Variants in LMX1B observed in about 807,000 individuals in gnomAD.
The protein encoded by LMX1B is LIM homeobox transcription factor 1-beta.
LMX1B carries 12 observed loss-of-function variants against 51.4 expected under a neutral mutation model. That is an observed-to-expected ratio of 0.23 (90% CI 0.15 to 0.38). The LOEUF is 0.38. Ranked by LOEUF, LMX1B falls within the 10% of genes least tolerant of loss-of-function variation. The pLI is 1.00. For synonymous variants in LMX1B, 237 were observed against 235.4 expected (o/e 1.01, Z -0.06); for missense variants, 445 against 571.1 (o/e 0.78, Z 2.25).
intron 2 of LMX1B, among the ~76,000 whole-genome samples, chr9:126,667,590 G>C (rs1219084359): frequency 6.6e-6 from 1 of 152,232 alleles, no homozygotes; most frequent in Non-Finnish European, 1.5e-5. Context: ...GAGCTTGAGG[G>C]AGGGGCCGGT....
chr9:126,657,447 G>C (rs1213247537), intron 2 of LMX1B, among the ~76,000 whole-genome samples: 1 of 152,238 alleles, frequency 6.6e-6, no homozygotes, highest in Non-Finnish European at 1.5e-5. Flanking sequence ...GTGCAAGTCT[G>C]TTCCCCAATG....
intron 2 of LMX1B, among the ~76,000 whole-genome samples, chr9:126,688,033 G>T (rs1269957290): frequency 6.6e-6 from 1 of 152,182 alleles, no homozygotes; most frequent in Non-Finnish European, 1.5e-5. Flanking sequence ...TGTTTTATTG[G>T]GTGGAGAGAT....
intron 2 of LMX1B, among the ~76,000 whole-genome samples, chr9:126,679,882 T>C (rs913585126): frequency 2.0e-5 from 3 of 152,104 alleles, no homozygotes; most frequent in South Asian, 2.1e-4. Context: ...ACTTCCCCCA[T>C]TGGAATCCTC....
rs1031007462 is a variant in LMX1B, at chr9:126,671,449, C to T, written c.327-19387C>T. ...AGGGCCGAGGGGCCCATCTTTGTTC[C>T]GAGCAGAGCTCAGACTGCAGAGTGG... On this transcript the variant is annotated intron_variant, in intron 2 of 7. Coordinates refer to ENST00000373474, the MANE Select transcript of LMX1B (RefSeq NM_001174147.2). This position sits in a 1 kb window ranked among gnomAD's most constrained non-coding sequence, Gnocchi z 4.4. Among the ~76,000 whole-genome samples, 4 of 152,014 alleles carry T rather than the reference C, an allele frequency of 2.6e-5. No homozygotes were observed. Among genetic ancestry groups the T allele is most frequent in the South Asian group, 2.1e-4 (1 of 4,826 alleles).
At position 126,615,392 on chromosome 9, in the gene LMX1B, G is replaced by A. The variant is rs1382073545; in HGVS notation, c.149G>A (p.Cys50Tyr). 10 of 1,600,048 alleles carry A rather than the reference G, an allele frequency of 6.2e-6. No homozygotes were observed. The highest frequency in any genetic ancestry group is 1.4e-5 in the African/African-American group (1 of 73,556). The change falls in exon 2 of 8, where the codon TGC (cysteine) becomes TAC (tyrosine). Residue 50 changes from cysteine to tyrosine, a missense_variant. Physicochemically the swap from Cys to Tyr is radical, Grantham distance 194. This residue lies in a region of LMX1B where 273 missense variants were observed against 343.3 expected (regional missense o/e 0.80). Transcript: ENST00000373474. This position sits in a 1 kb window ranked among gnomAD's most constrained non-coding sequence, Gnocchi z 6.0. The part of the protein sequence containing the change: ...ATLGVLLGSD[C>Y]PHPAVCEGCQ... ...GCCCTGTGCGCTACAGGCTCCGACT[G>A]CCCGCATCCCGCCGTCTGCGAGGGC...
rs939001080 is a variant in LMX1B, at chr9:126,679,517, C to T, written c.327-11319C>T. Among the ~76,000 whole-genome samples, 5 of 150,122 alleles carry T rather than the reference C, an allele frequency of 3.3e-5. No individual in the cohort carries two copies. The South Asian group carries it at 6.3e-4, about 19-fold the overall frequency. On this transcript the variant is annotated intron_variant, in intron 2 of 7. Transcript: ENST00000373474. ...GTTGAAGGGGTGGGTGGATGGGGGACAGGTGGATAGATGGGTAGGCAGATG... is the reference window on the plus strand; with the variant it reads ...GTTGAAGGGGTGGGTGGATGGGGGATAGGTGGATAGATGGGTAGGCAGATG...
Position 126,615,732 on chromosome 9 carries a change from C to T in LMX1B, c.326+163C>T, listed in dbSNP as rs1221208513. On this transcript the variant is annotated intron_variant, in intron 2 of 7. Transcript: ENST00000373474. This position sits in a 1 kb window ranked among gnomAD's most constrained non-coding sequence, Gnocchi z 6.0. ...CTGCGCGTCTTGGGGCTGGGGCGGA[C>T]CAGCCCAGCCCAGCGGGCACTGATG... Among the ~76,000 whole-genome samples, 1 of 152,006 alleles carries T rather than the reference C, an allele frequency of 6.6e-6. No individual in the cohort carries two copies. The highest frequency in any genetic ancestry group is 2.4e-5 in the African/African-American group (1 of 41,416).
chr9:126,695,209 C>T lies in LMX1B; in HGVS notation c.887-630C>T, dbSNP rs139378540. Among the ~76,000 whole-genome samples the T allele has an allele frequency of 4.3e-3, 652 of 152,300 alleles. 5 individuals are homozygous for T. The highest frequency in any genetic ancestry group is 5.3e-3 in the Non-Finnish European group (360 of 68,018). ...CTCCTCCTCCAGCCTTTCTCACCCT[C>T]GTCTACCAAACCCTCCAGCGGCTCC... is the stretch of plus-strand genomic sequence containing the variant. On this transcript the variant is annotated intron_variant, in intron 6 of 7. Coordinates refer to ENST00000373474, the MANE Select transcript of LMX1B (RefSeq NM_001174147.2). The surrounding 1 kb of genome is among the most constrained non-coding windows in gnomAD (Gnocchi z 5.2).
rs1476509837 is a variant in LMX1B, at chr9:126,643,290, GC to G, written c.326+27725del. 5.9e-5 allele frequency among the ~76,000 whole-genome samples: 9 copies of G among 152,242 alleles called. 1 individual carries two copies. In the South Asian group the frequency reaches 1.9e-3, roughly 32 times the overall value. ...ACTGGGGGTCTCAGGGCCTCTGTCT[GC>G]CCCTGGGAGCGCCAACTCTCTTTGA... On this transcript the variant is annotated intron_variant, in intron 2 of 7. Transcript: ENST00000373474.
chr9:126,665,467 A>G (rs542051121), intron 2 of LMX1B, among the ~76,000 whole-genome samples: 98 of 152,366 alleles, frequency 6.4e-4, no homozygotes, highest in African/African-American at 2.3e-3. Context: ...GTGTTGGAGA[A>G]AAGGCTCGCC....
At chr9:126,648,274 A>G (rs1588278892) in intron 2 of LMX1B, among the ~76,000 whole-genome samples, 1 of 152,204 alleles carries the variant, frequency 6.6e-6, no homozygotes, top group East Asian at 1.9e-4. Flanking sequence ...TAGTGAACCC[A>G]GGGAATGAGT....
intron 2 of LMX1B, among the ~76,000 whole-genome samples, chr9:126,627,976 C>T (rs959810865): frequency 3.3e-5 from 5 of 152,176 alleles, no homozygotes; most frequent in Admixed American, 3.3e-4. Context: ...GTTCTTCAAT[C>T]CCAGCTCTTT....
rs532531403 is a variant in LMX1B, at chr9:126,614,598, G to A, written c.139+10G>A. 1 of 1,578,056 alleles carries A rather than the reference G, an allele frequency of 6.3e-7. No homozygotes were observed. The highest frequency in any genetic ancestry group is 1.8e-5 in the Admixed American group (1 of 56,296). ...CTGGGGGTGCTGCTGGGTGAGTGCG[G>A]GGTCGGAACGCCCGAGTGGTCTCGG... On this transcript the variant is annotated intron_variant, in intron 1 of 7. Coordinates refer to ENST00000373474, the MANE Select transcript of LMX1B (RefSeq NM_001174147.2).
chr9:126,650,790 T>TG (rs1835988159), intron 2 of LMX1B, among the ~76,000 whole-genome samples: 1 of 152,212 alleles, frequency 6.6e-6, no homozygotes, highest in South Asian at 2.1e-4. Flanking sequence ...GTGGGTGCCC[T>TG]GGGCGGCCCT....
At chr9:126,629,813 C>A (rs1246592295) in intron 2 of LMX1B, among the ~76,000 whole-genome samples, 1 of 151,814 alleles carries the variant, frequency 6.6e-6, no homozygotes, top group Non-Finnish European at 1.5e-5. Context: ...TGATTGCCAG[C>A]TTCAGATGGC....
chr9:126,686,973 G>A (rs1282257904), intron 2 of LMX1B, among the ~76,000 whole-genome samples: 4 of 152,300 alleles, frequency 2.6e-5, no homozygotes, highest in Non-Finnish European at 4.4e-5. Context: ...AGGGCTGGCC[G>A]GAACCCGGGG....
intron 2 of LMX1B, among the ~76,000 whole-genome samples, chr9:126,629,843 C>T (rs1334590402): frequency 6.6e-6 from 1 of 151,830 alleles, no homozygotes; most frequent in Non-Finnish European, 1.5e-5. Flanking sequence ...CTTGATGAGA[C>T]TTCCTAAAAG....
Position 126,625,432 on chromosome 9 carries a change from G to A in LMX1B, c.326+9863G>A, listed in dbSNP as rs1395003906. ...TGCTCTGTCCCCTCTTCCCAGGAAA[G>A]GTGGCACTCCGGGTGCACACCCACC... On this transcript the variant is annotated intron_variant, in intron 2 of 7. Transcript: ENST00000373474. The surrounding 1 kb of genome is among the most constrained non-coding windows in gnomAD (Gnocchi z 5.3). 2.6e-5 allele frequency among the ~76,000 whole-genome samples: 4 copies of A among 152,226 alleles called. No individual in the cohort carries two copies. Among genetic ancestry groups the A allele is most frequent in the Non-Finnish European group, 5.9e-5 (4 of 68,040 alleles).
chr9:126,691,128 G>A, intron 3 of LMX1B, 60 bp downstream of exon 3: 2 of 1,373,282 alleles, frequency 1.5e-6, no homozygotes, highest in Non-Finnish European at 2.0e-6. Flanking sequence ...GGGTGTCCTG[G>A]AGGGGAGTCC....
Sources: gnomAD v4.1 joint callset for allele counts (sites outside exome capture counted in the v4.1 genomes callset) on GRCh38, gnomAD v4.1.1 for gene constraint, gnomAD v4.1.1 regional missense constraint, Gnocchi (gnomAD v3.1) non-coding constraint, MANE v1.5 for transcripts, NCBI Gene and HGNC (gene_info 2026-07-23, HGNC 2026-07-21) for gene names.